The following TAMM41 variants were observed in gnomAD, a reference collection of about 807,000 sequenced individuals.
The protein encoded by TAMM41 is phosphatidate cytidylyltransferase, mitochondrial.
Under a neutral mutation model 44.1 loss-of-function variants are expected in TAMM41, and 36 were observed. The ratio of observed to expected loss-of-function variants is 0.82; its 90% CI spans 0.63 to 1.08. The LOEUF is 1.08. TAMM41 is among the 50% of genes least tolerant of loss of function. TAMM41 has a pLI of 0.00. For synonymous variants in TAMM41, 164 were observed against 153.1 expected (o/e 1.07, Z -0.53); for missense variants, 417 against 404.3 (o/e 1.03, Z -0.27).
chr3:11,754,708 CT>C, the TAMM41 span, among the ~76,000 whole-genome samples: 2,079 of 103,362 alleles, frequency 0.02, 16 homozygotes, highest in African/African-American at 0.045. Context: ...TCTCAGATCT[CT>C]TTTTTTTTTT....
the TAMM41 span, among the ~76,000 whole-genome samples, chr3:11,767,913 G>A: frequency 6.1e-3 from 930 of 151,324 alleles, 10 homozygotes; most frequent in African/African-American, 0.021. Context: ...GTGAGCCACC[G>A]CGCCTGGCCA....
intron 3 of TAMM41, among the ~76,000 whole-genome samples, chr3:11,832,465 C>A (rs758989383): frequency 1.6e-4 from 25 of 152,066 alleles, no homozygotes; most frequent in Non-Finnish European, 3.2e-4. Context: ...TAATACTAGG[C>A]CATTTTATAT....
intron 5 of TAMM41, chr3:11,811,209 AAT>A (rs1451124874): frequency 6.6e-6 from 1 of 152,194 alleles, no homozygotes; most frequent in Non-Finnish European, 1.5e-5. Context: ...TTTTTATCTA[AAT>A]ATTTGATATT....
the TAMM41 span, among the ~76,000 whole-genome samples, chr3:11,745,623 T>C: frequency 6.6e-6 from 1 of 151,556 alleles, no homozygotes; most frequent in Admixed American, 6.6e-5. Flanking sequence ...GTACCTAGAG[T>C]AGTCAAATTC....
the TAMM41 span, among the ~76,000 whole-genome samples, chr3:11,752,173 C>T: frequency 2.0e-5 from 3 of 152,060 alleles, no homozygotes; most frequent in Non-Finnish European, 2.9e-5. Context: ...GTGGTGTGTC[C>T]GGAGTTTCTT....
intron 7 of TAMM41, among the ~76,000 whole-genome samples, chr3:11,790,888 G>T (rs908457445): frequency 3.9e-5 from 6 of 152,210 alleles, no homozygotes; most frequent in African/African-American, 1.4e-4. Context: ...TTTCAAAAAG[G>T]TAGGACAAGG....
chr3:11,722,421 G>A, the TAMM41 span, among the ~76,000 whole-genome samples: 2 of 152,116 alleles, frequency 1.3e-5, no homozygotes, highest in Non-Finnish European at 2.9e-5. Flanking sequence ...GTGGAACGTG[G>A]CAGACACATA....
chr3:11,803,523 A>G (rs1437031726), intron 7 of TAMM41, among the ~76,000 whole-genome samples: 1 of 152,242 alleles, frequency 6.6e-6, no homozygotes, highest in Non-Finnish European at 1.5e-5. Context: ...TTAAAGACCT[A>G]AAAATAGAAT....
Position 11,808,582 on chromosome 3 carries a change from T to G in TAMM41, c.875-687A>C, listed in dbSNP as rs1180286140. On this transcript the variant is annotated intron_variant, in intron 6 of 7. Coordinates refer to ENST00000455809, the MANE Select transcript of TAMM41 (RefSeq NM_001284401.2). The stretch of plus-strand genomic sequence containing the variant: ...CACGCGGAGGAGCTCAGTAAATATT[T>G]ACTGAATGAAAACAGGAGAATGCAC... 3.0e-6 allele frequency: 3 copies of G among 985,348 alleles called. No individual in the cohort carries two copies. In the African/African-American group the frequency reaches 5.2e-5, roughly 17 times the overall value. The allele number at this position is 985,348 out of a possible 1,614,324, so 61.0% of individuals were successfully genotyped here. A position where few individuals can be genotyped will look rare whatever the true frequency, so the allele number is the denominator to read the frequency against.
At chr3:11,813,873 T>C (rs1330632315) in intron 5 of TAMM41, among the ~76,000 whole-genome samples, 1 of 144,380 alleles carries the variant, frequency 6.9e-6, no homozygotes, top group Non-Finnish European at 1.5e-5. Context: ...TGTATATATA[T>C]GTATATATGT....
chr3:11,723,598 AAAAC>A, the TAMM41 span, among the ~76,000 whole-genome samples: 7 of 151,672 alleles, frequency 4.6e-5, no homozygotes, highest in Non-Finnish European at 8.8e-5. Context: ...AAAAAAAACA[AAAAC>A]AAAAAAAAAA....
the TAMM41 span, among the ~76,000 whole-genome samples, chr3:11,741,006 G>A: frequency 7.0e-6 from 1 of 142,872 alleles, no homozygotes; most frequent in African/African-American, 2.8e-5. Flanking sequence ...GGATTACGAG[G>A]TCAGGAGTTC....
chr3:11,776,419 G>A, the TAMM41 span, among the ~76,000 whole-genome samples: 1 of 152,086 alleles, frequency 6.6e-6, no homozygotes, highest in Non-Finnish European at 1.5e-5. Flanking sequence ...TCCAAAGTAG[G>A]TGGGACTACA....
chr3:11,780,045 A>T, the TAMM41 span, among the ~76,000 whole-genome samples: 2 of 152,066 alleles, frequency 1.3e-5, no homozygotes, highest in African/African-American at 2.4e-5. Flanking sequence ...ATCATCTCTC[A>T]ACTAGATGAC....
At chr3:11,755,723 G>C in the TAMM41 span, among the ~76,000 whole-genome samples, 184 of 152,160 alleles carry the variant, frequency 1.2e-3, 1 homozygote, top group East Asian at 0.018. Context: ...TGCCACAAAG[G>C]CCCTATCAGG....
the TAMM41 span, among the ~76,000 whole-genome samples, chr3:11,723,234 T>C: frequency 6.6e-6 from 1 of 152,164 alleles, no homozygotes; most frequent in African/African-American, 2.4e-5. Context: ...ACCATTTGGT[T>C]AAACATTGTT....
chr3:11,837,471 C>T (rs1348623170), intron 3 of TAMM41, among the ~76,000 whole-genome samples: 4 of 147,188 alleles, frequency 2.7e-5, no homozygotes, highest in Non-Finnish European at 6.0e-5. Context: ...TTCTCTCCCA[C>T]TTTTTTTTTT....
At chr3:11,817,408 C>T (rs1202569651) in intron 4 of TAMM41, 71 bp from the exon 5 acceptor site, 1 of 1,494,658 alleles carries the variant, frequency 6.7e-7, no homozygotes, top group Non-Finnish European at 9.1e-7. Flanking sequence ...ACGACGCTCC[C>T]CACACTGATA....
the TAMM41 span, among the ~76,000 whole-genome samples, chr3:11,730,417 C>CAA: frequency 0.034 from 3,359 of 99,110 alleles, 157 homozygotes; most frequent in African/African-American, 0.11. Flanking sequence ...TACTTCATCT[C>CAA]AAAAAAAAAA....
Sources: allele counts gnomAD v4.1 joint callset (sites outside exome capture counted in the v4.1 genomes callset), GRCh38; gene constraint gnomAD v4.1.1; transcripts MANE v1.5; gene names NCBI Gene and HGNC (gene_info 2026-07-23, HGNC 2026-07-21).